Variants in RD3 observed in about 807,000 individuals in gnomAD.
The protein encoded by RD3 is RD3 regulator of GUCY2D.
In RD3, 11 loss-of-function variants were observed where a neutral mutation model predicts 16.9. The observed-to-expected ratio is 0.65, with a 90% CI of 0.41 to 1.08. The LOEUF is 1.08. RD3 is among the 50% of genes least tolerant of loss of function. RD3 has a pLI of 0.00. For synonymous variants in RD3, 116 were observed against 114.8 expected, an observed-to-expected ratio of 1.01 and a Z score of -0.07; for missense variants, 274 against 267.4, an observed-to-expected ratio of 1.02 and a Z score of -0.17.
In RD3 at chr1:211,477,914, G is replaced by A. The variant is rs532831747; in HGVS notation, c.*1122C>T. ...TCCTGGCCTTCCAGATTTTCCATGG[G>A]TGATCCACACATTGGGTAATCCACA... is the stretch of plus-strand genomic sequence containing the variant. On this transcript the variant is annotated 3_prime_UTR_variant, in exon 3 of 3. Coordinates refer to ENST00000680073, the MANE Select transcript of RD3 (RefSeq NM_001164688.2). The A allele has an allele frequency of 2.5e-5, 10 of 392,998 alleles. No homozygotes were observed. Among genetic ancestry groups the A allele is most frequent in the Middle Eastern group, 1.3e-3 (2 of 1,556 alleles). The allele number at this position is 392,998 out of a possible 1,614,324, so 24.3% of individuals were successfully genotyped here.
At chr1:211,485,606 G>A (rs1274261419) in intron 1 of RD3, among the ~76,000 whole-genome samples, 1 of 152,248 alleles carries the variant, frequency 6.6e-6, no homozygotes, top group South Asian at 2.1e-4. Context: ...CCTGGGGGAG[G>A]TCTGTTAAAC....
In RD3 at chr1:211,478,593, G is replaced by A; in HGVS notation, c.*443C>T. ...GAGCTCAGCCAGTCACTAGCAAGAA[G>A]GCATACCAGCCAACAGGTCCCTTCT... is the stretch of plus-strand genomic sequence containing the variant. On this transcript the variant is annotated 3_prime_UTR_variant, in exon 3 of 3. Transcript: ENST00000680073. 1 of 217,336 alleles carries A rather than the reference G, an allele frequency of 4.6e-6. No homozygotes were observed. The allele number at this position is 217,336 out of a possible 1,614,324, so 13.5% of individuals were successfully genotyped here. A position where few individuals can be genotyped will look rare whatever the true frequency, so the allele number is the denominator to read the frequency against.
intron 1 of RD3, among the ~76,000 whole-genome samples, chr1:211,489,473 A>G (rs2102373750): frequency 6.6e-6 from 1 of 151,976 alleles, no homozygotes; most frequent in African/African-American, 2.4e-5. Context: ...CATCACTACT[A>G]TGAAATTGTG....
intron 1 of RD3, among the ~76,000 whole-genome samples, chr1:211,485,037 C>T (rs1299927176): frequency 6.6e-6 from 1 of 152,176 alleles, no homozygotes; most frequent in Non-Finnish European, 1.5e-5. Flanking sequence ...TCTCCTGGAC[C>T]CCCAGACACT....
chr1:211,486,588 T>G (rs1344786728), intron 1 of RD3, among the ~76,000 whole-genome samples: 1 of 150,028 alleles, frequency 6.7e-6, no homozygotes, highest in East Asian at 2.0e-4. Context: ...GTGGCTCACA[T>G]CTGTCATCTC....
Position 211,482,529 on chromosome 1 carries a change from G to A in RD3, c.-11-1103C>T, listed in dbSNP as rs116856547. ...GTGAGTGCGGGCTTCAGACACATGG[G>A]CTGATGGAGAAGGGGTCCCAGGTGG... On this transcript the variant is annotated intron_variant, in intron 1 of 2. Transcript: ENST00000680073. Among the ~76,000 whole-genome samples, 6 of 151,970 alleles carry A rather than the reference G, an allele frequency of 3.9e-5. No homozygotes were observed. In the East Asian group the frequency reaches 5.8e-4, roughly 15 times the overall value.
chr1:211,481,034 T>G, intron 2 of RD3, 86 bp downstream of exon 2: 1 of 1,394,932 alleles, frequency 7.2e-7, no homozygotes. Context: ...TCCCTGACTC[T>G]AGTCCTGGTG....
rs964528342 is a variant in RD3, at chr1:211,483,850, T to C, written c.-11-2424A>G. ...TATTTTTAAAAGTCTATGGGTTAGA[T>C]TGATGCTTAGCACCAAAAGAGTGAA... On this transcript the variant is annotated intron_variant, in intron 1 of 2. Coordinates refer to ENST00000680073, the MANE Select transcript of RD3 (RefSeq NM_001164688.2). Among the ~76,000 whole-genome samples the C allele has an allele frequency of 4.6e-5, 7 of 152,134 alleles. No homozygotes were observed. In the East Asian group the frequency reaches 9.6e-4, roughly 21 times the overall value.
At chr1:211,480,735 A>G (rs1250908168) in intron 2 of RD3, among the ~76,000 whole-genome samples, 8 of 152,248 alleles carry the variant, frequency 5.3e-5, no homozygotes, top group Middle Eastern at 3.4e-3. Flanking sequence ...GATAATTAAG[A>G]ATCTGACTTT....
intron 1 of RD3, among the ~76,000 whole-genome samples, chr1:211,488,048 A>T (rs190025841): frequency 9.3e-4 from 142 of 152,306 alleles, no homozygotes; most frequent in African/African-American, 3.3e-3. Context: ...CATAACCGCT[A>T]CTGCTCATTA....
chr1:211,484,182 GTGTGGTA>G (rs1407614716), intron 1 of RD3, among the ~76,000 whole-genome samples: 1 of 152,196 alleles, frequency 6.6e-6, no homozygotes, highest in Non-Finnish European at 1.5e-5. Context: ...CTGACCCCGG[GTGTGGTA>G]TGTGGTCAGG....
rs1705215686 is a variant in RD3 at position 211,479,317 on chromosome 1, G to A, written c.307C>T (p.Leu103=). Residue 103 remains leucine, a synonymous_variant, in exon 3 of 3, where the codon CTG becomes TTG. Transcript: ENST00000680073. ...CGPAILRFRQ[L]LAEQEPEVQE... is the part of the protein sequence containing the mutation. Reference sequence around the variant, plus strand: ...ACCTCGGGCTCCTGCTCCGCCAGCAGCTGCCGGAACCTGGGCGGGAGGGGA... The same window carrying A: ...ACCTCGGGCTCCTGCTCCGCCAGCAACTGCCGGAACCTGGGCGGGAGGGGA... 6.2e-7 allele frequency: 1 copy of A among 1,604,112 alleles called. No individual in the cohort carries two copies. Among genetic ancestry groups the A allele is most frequent in the Non-Finnish European group, 8.5e-7 (1 of 1,175,562 alleles).
intron 1 of RD3, among the ~76,000 whole-genome samples, chr1:211,489,991 C>T (rs1450931355): frequency 1.3e-5 from 2 of 152,234 alleles, no homozygotes; most frequent in East Asian, 3.8e-4. Context: ...TCCACCCCCA[C>T]ACTCTCAGAG....
intron 1 of RD3, among the ~76,000 whole-genome samples, chr1:211,491,546 A>T (rs181969093): frequency 7.6e-4 from 115 of 152,190 alleles, no homozygotes; most frequent in African/African-American, 2.6e-3. Context: ...AAGCTGCAGG[A>T]CCCTCATCGG....
Position 211,477,264 on chromosome 1 carries a change from G to A in RD3, c.*1772C>T. 1 of 152,046 alleles carries A rather than the reference G, an allele frequency of 6.6e-6. No homozygotes were observed. The highest frequency in any genetic ancestry group is 1.5e-5 in the Non-Finnish European group (1 of 68,014). The allele number at this position is 152,046 out of a possible 1,614,324, so 9.4% of individuals were successfully genotyped here. ...GAGGTCAGGAGTTCAAGACCATTCTGGGCAACATAGTGAAACCCCATCTCT... is the reference window on the plus strand; with the variant it reads ...GAGGTCAGGAGTTCAAGACCATTCTAGGCAACATAGTGAAACCCCATCTCT... On this transcript the variant is annotated 3_prime_UTR_variant, in exon 3 of 3. Coordinates refer to ENST00000680073, the MANE Select transcript of RD3 (RefSeq NM_001164688.2).
At chr1:211,481,956 T>C (rs776028322) in intron 1 of RD3, among the ~76,000 whole-genome samples, 2 of 152,116 alleles carry the variant, frequency 1.3e-5, no homozygotes, top group African/African-American at 2.4e-5. Flanking sequence ...GCCATGGTGG[T>C]TCACACCTGC....
rs553502741 is a variant in RD3, at chr1:211,479,119, T to C, written c.505A>G (p.Ile169Val). 4.3e-6 allele frequency: 7 copies of C among 1,612,548 alleles called. No homozygotes were observed. The African/African-American group carries it at 8.0e-5, about 18-fold the overall frequency. The change falls in exon 3 of 3, where the codon ATC becomes GTC. Residue 169 changes from isoleucine (I) to valine (V), a missense_variant. Transcript: ENST00000680073. ...ISPFASDIRT[I>V]SEDVERDTPP... ...GTGTCCCGCTCCACGTCCTCGGAGA[T>C]GGTCCTGATGTCGCTGGCGAAGGGC... is the stretch of plus-strand genomic sequence containing the variant.
intron 1 of RD3, among the ~76,000 whole-genome samples, chr1:211,490,484 C>T (rs1530435): frequency 0.12 from 18,131 of 152,266 alleles, 1,680 homozygotes; most frequent in East Asian, 0.45. Context: ...CTGAGTCAGG[C>T]TGTCCCAGAG....
chr1:211,487,558 T>C (rs560792667), intron 1 of RD3, among the ~76,000 whole-genome samples: 1 of 152,354 alleles, frequency 6.6e-6, no homozygotes, highest in East Asian at 1.9e-4. Flanking sequence ...CTTTTCTGCA[T>C]GTTTATGCAT....
Sources: allele counts gnomAD v4.1 joint callset (sites outside exome capture counted in the v4.1 genomes callset), GRCh38; gene constraint gnomAD v4.1.1; transcripts MANE v1.5; gene names NCBI Gene and HGNC (gene_info 2026-07-23, HGNC 2026-07-21).